Variants in SPINK8 observed in about 807,000 individuals in gnomAD.
SPINK8 encodes the protein serine peptidase inhibitor Kazal type 8 (putative), also known as serine protease inhibitor Kazal-type 8.
Under a neutral mutation model 14.4 loss-of-function variants are expected in SPINK8, and 12 were observed. The observed-to-expected ratio is 0.83, with a 90% CI of 0.53 to 1.35. The LOEUF is 1.35. Ranked by LOEUF, SPINK8 falls within the 40% of genes most tolerant of loss-of-function variation. SPINK8 has a pLI of 0.00. For synonymous variants in SPINK8, 32 were observed against 37.6 expected, an observed-to-expected ratio of 0.85 and a Z score of 0.55; for missense variants, 103 against 117.0, an observed-to-expected ratio of 0.88 and a Z score of 0.55.
At chr3:48,327,776 A>T (rs1259956855) in intron 4 of SPINK8, among the ~76,000 whole-genome samples, 1 of 152,180 alleles carries the variant, frequency 6.6e-6, no homozygotes, top group East Asian at 1.9e-4. Context: ...GTTTTAAGTG[A>T]GACGCCGTAC....
intron 4 of SPINK8, among the ~76,000 whole-genome samples, chr3:48,323,608 A>G (rs986554530): frequency 1.3e-5 from 2 of 152,232 alleles, no homozygotes; most frequent in African/African-American, 4.8e-5. Flanking sequence ...ATGTTGAGGC[A>G]TTATAATTTG....
rs1237474279 is a variant in SPINK8, at chr3:48,333,654, T to A, written c.-361A>T. ...CTGACATTGCCTTTGCACTCAGGAG[T>A]GAGTTCTAGAGCTGGGCTGGGTTTC... On this transcript the variant is annotated 5_prime_UTR_variant, in exon 1 of 8. Transcript: ENST00000434006. Among the ~76,000 whole-genome samples the A allele has an allele frequency of 1.3e-5, 2 of 151,936 alleles. No individual in the cohort carries two copies. The highest frequency in any genetic ancestry group is 2.4e-5 in the African/African-American group (1 of 41,338).
chr3:48,308,722 A>G (rs1195197534), intron 7 of SPINK8, among the ~76,000 whole-genome samples: 2 of 152,190 alleles, frequency 1.3e-5, no homozygotes, highest in Non-Finnish European at 2.9e-5. Context: ...CCTGTTAAAT[A>G]TTAGTCTTTA....
chr3:48,333,055 C>T (rs762621410), intron 1 of SPINK8, among the ~76,000 whole-genome samples: 16 of 151,702 alleles, frequency 1.1e-4, no homozygotes, highest in South Asian at 4.2e-4. Flanking sequence ...GCCGGGGGAA[C>T]GCCGGGGCAG....
At position 48,329,176 on chromosome 3, in the gene SPINK8, C is replaced by G. The variant is rs2036183827; in HGVS notation, c.-37G>C. On this transcript the variant is annotated 5_prime_UTR_variant, in exon 3 of 8. Coordinates refer to ENST00000434006, the MANE Select transcript of SPINK8 (RefSeq NM_001080525.3). ...ACCTGCTGTGACTCCCATGGTTGCT[C>G]TGAGAAACTGGCTGAACAGGATGGT... Among the ~76,000 whole-genome samples the G allele has an allele frequency of 6.6e-6, 1 of 152,178 alleles. No individual in the cohort carries two copies. Among genetic ancestry groups the G allele is most frequent in the Admixed American group, 6.5e-5 (1 of 15,278 alleles).
At chr3:48,314,542 A>G (rs973986607) in intron 6 of SPINK8, among the ~76,000 whole-genome samples, 5 of 152,104 alleles carry the variant, frequency 3.3e-5, no homozygotes, top group African/African-American at 1.2e-4. Flanking sequence ...GAGGGAGAAG[A>G]CTGGTGTTGG....
At chr3:48,321,404 T>C (rs942071585) in intron 4 of SPINK8, among the ~76,000 whole-genome samples, 1 of 152,084 alleles carries the variant, frequency 6.6e-6, no homozygotes, top group African/African-American at 2.4e-5. Context: ...TAAAAGATGC[T>C]GAGTTTCATT....
intron 6 of SPINK8, among the ~76,000 whole-genome samples, chr3:48,311,202 T>A (rs527679669): frequency 2.4e-4 from 36 of 152,204 alleles, no homozygotes; most frequent in African/African-American, 8.2e-4. Flanking sequence ...CACCATTTCA[T>A]AATAAAACAC....
intron 6 of SPINK8, among the ~76,000 whole-genome samples, chr3:48,312,892 G>T (rs778586881): frequency 6.6e-6 from 1 of 151,848 alleles, no homozygotes; most frequent in Non-Finnish European, 1.5e-5. Flanking sequence ...CAGCTACTCC[G>T]GAGGCTGAGG....
chr3:48,331,149 T>A (rs967937983), intron 2 of SPINK8, among the ~76,000 whole-genome samples: 1 of 152,140 alleles, frequency 6.6e-6, no homozygotes, highest in Admixed American at 6.5e-5. Flanking sequence ...GGGATTGAAA[T>A]GTATGGCCTG....
At chr3:48,309,797 A>C (rs1404544967) in intron 7 of SPINK8, 107 bp downstream of exon 7, 1 of 1,329,570 alleles carries the variant, frequency 7.5e-7, no homozygotes, top group Non-Finnish European at 9.7e-7. Flanking sequence ...ACTTTTATGT[A>C]TGTTTGAAAA....
In SPINK8 at chr3:48,309,893, T is replaced by C; in HGVS notation, c.282+11A>G. The C allele has an allele frequency of 6.9e-7, 1 of 1,454,950 alleles. No individual in the cohort carries two copies. Among genetic ancestry groups the C allele is most frequent in the Non-Finnish European group, 9.0e-7 (1 of 1,106,226 alleles). 90.1% of individuals were successfully genotyped at this position (1,454,950 alleles called of 1,614,324 possible). A position where few individuals can be genotyped will look rare whatever the true frequency, so the allele number is the denominator to read the frequency against. ...CTTCTAAAAATAAAAAATAAAAGTG[T>C]CTTTACTTACACATTGTCCATCATA... On this transcript the variant is annotated intron_variant, in intron 7 of 7. Transcript: ENST00000434006.
intron 2 of SPINK8, among the ~76,000 whole-genome samples, chr3:48,329,869 C>T (rs571259811): frequency 2.0e-5 from 3 of 152,184 alleles, no homozygotes; most frequent in Non-Finnish European, 4.4e-5. Context: ...TATATGGAAT[C>T]CTCCAAGTTC....
chr3:48,320,547 C>CAA (rs60928111), intron 5 of SPINK8, among the ~76,000 whole-genome samples: 2 of 137,114 alleles, frequency 1.5e-5, no homozygotes, highest in African/African-American at 5.3e-5. Context: ...GACTCCGTCT[C>CAA]AAAAAAAAAA....
intron 4 of SPINK8, among the ~76,000 whole-genome samples, chr3:48,321,929 C>T (rs1204984554): frequency 6.6e-6 from 1 of 150,492 alleles, no homozygotes; most frequent in Non-Finnish European, 1.5e-5. Flanking sequence ...CCTCCTACCT[C>T]AGCCTCCCAA....
At chr3:48,312,125 C>A (rs1410818221) in intron 6 of SPINK8, among the ~76,000 whole-genome samples, 1 of 150,288 alleles carries the variant, frequency 6.7e-6, no homozygotes, top group Admixed American at 6.6e-5. Flanking sequence ...TGCAGTAAGA[C>A]CCTGTCTCCA....
Position 48,319,525 on chromosome 3 carries a change from T to C in SPINK8, c.211A>G (p.Ser71Gly). 6.2e-7 allele frequency: 1 copy of C among 1,613,970 alleles called. No homozygotes were observed. The highest frequency in any genetic ancestry group is 8.5e-7 in the Non-Finnish European group (1 of 1,179,860). Reference protein sequence around the residue: ...ICGSDQVTYSSDCHLCSKILF... With the variant: ...ICGSDQVTYSGDCHLCSKILF... ...ATTTTGGAGCACAGATGGCAGTCACTACTGTAGGTAACCTGGTCACTGCCA... is the reference window on the plus strand; with the variant it reads ...ATTTTGGAGCACAGATGGCAGTCACCACTGTAGGTAACCTGGTCACTGCCA... Residue 71 changes from serine (S) to glycine (G), a missense_variant, in exon 6 of 8, where the codon AGT (serine) becomes GGT (glycine). Coordinates refer to ENST00000434006, the MANE Select transcript of SPINK8 (RefSeq NM_001080525.3).
rs535889243 is a variant in SPINK8 at position 48,320,229 on chromosome 3, G to A, written c.118-611C>T. On this transcript the variant is annotated intron_variant, in intron 5 of 7. Transcript: ENST00000434006. ...GATTGGTAGGTTACAGAGAGCAGAA[G>A]TAGGGAAATGTCTTTCCAGGTTAAA... Among the ~76,000 whole-genome samples the A allele has an allele frequency of 3.3e-5, 5 of 152,040 alleles. No homozygotes were observed. In the East Asian group the frequency reaches 5.8e-4, roughly 18 times the overall value.
At chr3:48,315,097 A>G (rs2035968946) in intron 6 of SPINK8, among the ~76,000 whole-genome samples, 1 of 152,206 alleles carries the variant, frequency 6.6e-6, no homozygotes, top group Non-Finnish European at 1.5e-5. Flanking sequence ...TCATTAGCTG[A>G]TAATAAGATA....
Sources: allele counts gnomAD v4.1 joint callset (sites outside exome capture counted in the v4.1 genomes callset), GRCh38; gene constraint gnomAD v4.1.1; transcripts MANE v1.5; gene names NCBI Gene and HGNC (gene_info 2026-07-23, HGNC 2026-07-21).